The following VCL variants were observed in gnomAD, a reference collection of about 807,000 sequenced individuals.
VCL encodes epididymis luminal protein 114.
Under a neutral mutation model 125.7 loss-of-function variants are expected in VCL, and 47 were observed. The ratio of observed to expected loss-of-function variants is 0.37; its 90% CI spans 0.30 to 0.48. The LOEUF is 0.48. VCL is among the 20% of genes least tolerant of loss of function. The pLI is 0.99. For synonymous variants in VCL, 458 were observed against 514.6 expected (o/e 0.89, Z 1.49); for missense variants, 1,069 against 1,455.5 (o/e 0.73, Z 4.32).
At chr10:74,045,484 G>A (rs558090077) in intron 2 of VCL, among the ~76,000 whole-genome samples, 4 of 152,036 alleles carry the variant, frequency 2.6e-5, no homozygotes, top group Admixed American at 1.3e-4. Flanking sequence ...TTAGCCAGGC[G>A]TGGTGGCTCA....
At chr10:74,028,950 T>G (rs965096738) in intron 1 of VCL, among the ~76,000 whole-genome samples, 3 of 151,756 alleles carry the variant, frequency 2.0e-5, no homozygotes, top group African/African-American at 7.3e-5. Flanking sequence ...CCTGGAGTAG[T>G]TGGGACTACA....
chr10:74,102,338 A>G (rs1008451264), intron 14 of VCL, among the ~76,000 whole-genome samples: 4 of 151,466 alleles, frequency 2.6e-5, no homozygotes, highest in Non-Finnish European at 4.4e-5. Flanking sequence ...GAAGATTGGG[A>G]AAAAAAACCA....
intron 1 of VCL, among the ~76,000 whole-genome samples, chr10:74,017,284 T>G (rs1840564427): frequency 6.6e-6 from 1 of 151,780 alleles, no homozygotes; most frequent in Non-Finnish European, 1.5e-5. Flanking sequence ...CCTGACCTCG[T>G]GATCCGCCCG....
intron 1 of VCL, among the ~76,000 whole-genome samples, chr10:74,013,061 A>G (rs748290759): frequency 1.1e-4 from 17 of 152,152 alleles, no homozygotes; most frequent in Non-Finnish European, 2.1e-4. Context: ...TTGTCTCTGA[A>G]TTTTTAGTAT....
rs12243178 is a variant in VCL at position 74,097,529 on chromosome 10, G to C, written c.1872+197G>C. On this transcript the variant is annotated intron_variant, in intron 13 of 21. Transcript: ENST00000211998. This position sits in a 1 kb window ranked among gnomAD's most constrained non-coding sequence, Gnocchi z 4.1. ...CAGTGAGGAATATCTTTAGTTGCAA[G>C]CAATAGAAGACCTGACCATCAGAGA... is the stretch of plus-strand genomic sequence containing the variant. 0.05 allele frequency among the ~76,000 whole-genome samples: 7,593 copies of C among 152,242 alleles called. 655 individuals are homozygous for C. Among genetic ancestry groups the C allele is most frequent in the African/African-American group, 0.17 (7,176 of 41,522 alleles).
At chr10:74,024,346 C>T (rs1172397597) in intron 1 of VCL, among the ~76,000 whole-genome samples, 30 of 152,146 alleles carry the variant, frequency 2.0e-4, no homozygotes, top group Admixed American at 1.7e-3. Flanking sequence ...CGCAGTGGCT[C>T]ATGCCTGTAA....
At chr10:74,096,266 G>A (rs138186177) in intron 12 of VCL, among the ~76,000 whole-genome samples, 1,954 of 151,940 alleles carry the variant, frequency 0.013, 48 homozygotes, top group Non-Finnish European at 0.014. Context: ...GGAGGCTGAG[G>A]TGGGAGAATC....
At chr10:74,026,794 G>A (rs953585939) in intron 1 of VCL, among the ~76,000 whole-genome samples, 37 of 152,202 alleles carry the variant, frequency 2.4e-4, no homozygotes, top group African/African-American at 7.7e-4. Context: ...AGTGAGGTGA[G>A]ATTCAGATTG....
chr10:74,002,711 G>A (rs1249020147), intron 1 of VCL, among the ~76,000 whole-genome samples: 9 of 151,126 alleles, frequency 6.0e-5, no homozygotes, highest in African/African-American at 1.9e-4. Flanking sequence ...GTGAAACCCC[G>A]TCTCTACTAA....
intron 1 of VCL, among the ~76,000 whole-genome samples, chr10:74,015,877 GT>G (rs1840528218): frequency 6.6e-6 from 1 of 151,928 alleles, no homozygotes; most frequent in Admixed American, 6.6e-5. Flanking sequence ...TAGAGACAGG[GT>G]TTTACCATGT....
At chr10:74,116,871 T>C (rs995230966) in intron 21 of VCL, among the ~76,000 whole-genome samples, 1 of 152,186 alleles carries the variant, frequency 6.6e-6, no homozygotes, top group Non-Finnish European at 1.5e-5. Context: ...GTTACACTTA[T>C]CAGAGCCTGT....
intron 1 of VCL, among the ~76,000 whole-genome samples, chr10:74,022,953 A>C (rs984127210): frequency 2.6e-5 from 4 of 152,158 alleles, no homozygotes; most frequent in African/African-American, 9.7e-5. Context: ...CATTGTCTCT[A>C]GATCTCCAGG....
intron 1 of VCL, among the ~76,000 whole-genome samples, chr10:74,041,018 G>A (rs1045010642): frequency 6.6e-6 from 1 of 151,986 alleles, no homozygotes; most frequent in African/African-American, 2.4e-5. Flanking sequence ...CACCACACCC[G>A]ACTAATTTTG....
intron 1 of VCL, among the ~76,000 whole-genome samples, chr10:74,008,552 A>G (rs944191627): frequency 1.3e-5 from 2 of 152,198 alleles, no homozygotes; most frequent in African/African-American, 2.4e-5. Context: ...GTCTCATACT[A>G]TGAGTCAGAA....
At chr10:74,028,359 T>C (rs952493940) in intron 1 of VCL, among the ~76,000 whole-genome samples, 8 of 151,766 alleles carry the variant, frequency 5.3e-5, no homozygotes, top group Non-Finnish European at 1.2e-4. Flanking sequence ...GCTGGAATTA[T>C]AGGTGTGAGC....
chr10:74,046,066 A>G (rs1841192413), intron 2 of VCL, among the ~76,000 whole-genome samples: 1 of 152,112 alleles, frequency 6.6e-6, no homozygotes, highest in Non-Finnish European at 1.5e-5. Context: ...GTTTCTGTTA[A>G]TTCCATAAAA....
chr10:74,096,851 G>C (rs972193507), intron 12 of VCL, among the ~76,000 whole-genome samples: 3 of 152,244 alleles, frequency 2.0e-5, no homozygotes, highest in Non-Finnish European at 2.9e-5. Context: ...GCCAGCACTG[G>C]CAATGGTGTG....
chr10:74,100,925 T>C, intron 13 of VCL, 23 bp from the exon 14 acceptor site: 2 of 1,613,690 alleles, frequency 1.2e-6, no homozygotes, highest in South Asian at 1.1e-5. Flanking sequence ...ATAAATGTTC[T>C]TAATATCTGT....
chr10:74,062,523 G>A (rs1222440663), intron 2 of VCL, among the ~76,000 whole-genome samples: 3 of 152,002 alleles, frequency 2.0e-5, no homozygotes, highest in African/African-American at 4.8e-5. Flanking sequence ...TTTTGAACAT[G>A]TGGAGTACAG....
Sources: allele counts gnomAD v4.1 joint callset (sites outside exome capture counted in the v4.1 genomes callset), GRCh38; gene constraint gnomAD v4.1.1; non-coding constraint Gnocchi (gnomAD v3.1); transcripts MANE v1.5; gene names NCBI Gene and HGNC (gene_info 2026-07-23, HGNC 2026-07-21).